Variants in OSBP2 observed in about 807,000 individuals in gnomAD.
OSBP2 encodes oxysterol-binding protein 2.
OSBP2 carries 66 observed loss-of-function variants against 96.0 expected under a neutral mutation model. The ratio of observed to expected loss-of-function variants is 0.69; its 90% CI spans 0.56 to 0.84. The LOEUF (loss-of-function observed/expected upper bound fraction) is 0.84, where lower values mean the gene tolerates loss of function less well. Ranked by LOEUF, OSBP2 falls within the 40% of genes least tolerant of loss-of-function variation. The probability of loss-of-function intolerance (pLI) is 0.00; values close to 1 mark genes in which losing one functional copy is unlikely to be tolerated. For missense variants in OSBP2, 1,038 were observed against 1,222.7 expected (o/e 0.85, Z 2.25); for synonymous variants, 525 against 520.9 (o/e 1.01, Z -0.11).
At chr22:30,700,088 G>A (rs553008300) in intron 1 of OSBP2, among the ~76,000 whole-genome samples, 2 of 151,294 alleles carry the variant, frequency 1.3e-5, no homozygotes, top group African/African-American at 4.9e-5. Flanking sequence ...ACAGCCTCCC[G>A]AGTAGCTGGG....
At chr22:30,744,761 AAAAC>A (rs371095235) in intron 2 of OSBP2, among the ~76,000 whole-genome samples, 3,586 of 152,122 alleles carry the variant, frequency 0.024, 129 homozygotes, top group African/African-American at 0.077. Context: ...ACTCTGTCTC[AAAAC>A]AAACAAACAA....
At chr22:30,884,429 T>A (rs537964640) in intron 3 of OSBP2, among the ~76,000 whole-genome samples, 1 of 152,244 alleles carries the variant, frequency 6.6e-6, no homozygotes, top group Admixed American at 6.5e-5. Flanking sequence ...GAACCCAGGT[T>A]TTCCAACTCC....
rs2039919484 is a variant in OSBP2, at chr22:30,890,438, A to ACGGTT, written c.1624-289_1624-288insGGTTC. On this transcript the variant is annotated intron_variant, in intron 7 of 13. Transcript: ENST00000332585. This position sits in a 1 kb window ranked among gnomAD's most constrained non-coding sequence, Gnocchi z 4.4. ...AAGATACAGCAGTGGGCCAGGCAGAACCCCTGGCCTTGGTGGGTGTCCATC... is the reference window on the plus strand; with the variant it reads ...AAGATACAGCAGTGGGCCAGGCAGAACGGTTCCCCTGGCCTTGGTGGGTGTCCATC... Among the ~76,000 whole-genome samples the ACGGTT allele has an allele frequency of 1.3e-5, 2 of 152,176 alleles. No homozygotes were observed. Among genetic ancestry groups the ACGGTT allele is most frequent in the African/African-American group, 4.8e-5 (2 of 41,444 alleles).
At chr22:30,729,707 T>TA (rs557213397) in intron 1 of OSBP2, among the ~76,000 whole-genome samples, 77 of 151,930 alleles carry the variant, frequency 5.1e-4, no homozygotes, top group African/African-American at 1.6e-3. Flanking sequence ...GAGATAGCCT[T>TA]AAAAAGGTAG....
rs1232258134 is a variant in OSBP2 at position 30,695,364 on chromosome 22, T to C, written c.455T>C (p.Leu152Pro). Residue 152 changes from leucine (L) to proline (P), a missense_variant, in exon 1 of 14, where the codon CTT becomes CCT. Leu to Pro is a moderately conservative substitution (Grantham distance 98, BLOSUM62 -3). Coordinates refer to ENST00000332585, the MANE Select transcript of OSBP2 (RefSeq NM_030758.4). Reference sequence around the variant, plus strand: ...CTGCCAGCGTTAAAGCCCCTGCCTCTTCTGCGACCAGGACAGGCGAAGACT... The same window carrying C: ...CTGCCAGCGTTAAAGCCCCTGCCTCCTCTGCGACCAGGACAGGCGAAGACT... ...GSLPALKPLPLLRPGQAKTPL... is the reference protein window; with the variant it reads ...GSLPALKPLPPLRPGQAKTPL... 3 of 1,613,842 alleles carry C rather than the reference T, an allele frequency of 1.9e-6. No individual in the cohort carries two copies. In the Admixed American group the frequency reaches 5.0e-5, roughly 27 times the overall value.
chr22:30,746,321 G>A (rs1488182019), intron 2 of OSBP2, among the ~76,000 whole-genome samples: 1 of 151,950 alleles, frequency 6.6e-6, no homozygotes, highest in African/African-American at 2.4e-5. Context: ...CTACTTCAGA[G>A]CCTGAGGTGG....
chr22:30,727,234 C>G (rs910775598), intron 1 of OSBP2, among the ~76,000 whole-genome samples: 2 of 152,164 alleles, frequency 1.3e-5, no homozygotes, highest in African/African-American at 4.8e-5. Context: ...GCCTAGGAGG[C>G]TCCTAACGGT....
chr22:30,715,034 C>T (rs1260508105), intron 1 of OSBP2, among the ~76,000 whole-genome samples: 1 of 151,918 alleles, frequency 6.6e-6, no homozygotes, highest in Non-Finnish European at 1.5e-5. Flanking sequence ...TACCATTTTA[C>T]ATTCCCACTG....
At chr22:30,847,401 C>T (rs1234204228) in intron 2 of OSBP2, among the ~76,000 whole-genome samples, 1 of 152,090 alleles carries the variant, frequency 6.6e-6, no homozygotes, top group Non-Finnish European at 1.5e-5. Context: ...TTTGACTCAG[C>T]CTCCCGAGCA....
At chr22:30,905,770 G>A in intron 12 of OSBP2, 67 bp from the exon 13 acceptor site, 1 of 1,587,434 alleles carries the variant, frequency 6.3e-7, no homozygotes, top group South Asian at 1.1e-5. Context: ...AGGCAGGGGA[G>A]GGCGGCCGGG....
rs1372221910 is a variant in OSBP2, at chr22:30,694,955, C to G, written c.46C>G (p.Arg16Gly). The change falls in exon 1 of 14, where the codon CGC becomes GGC. Residue 16 changes from arginine to glycine, a missense_variant. Arg to Gly is a moderately radical substitution (Grantham distance 125, BLOSUM62 -2). Coordinates refer to ENST00000332585, the MANE Select transcript of OSBP2 (RefSeq NM_030758.4). ...APSRGGGCGGRSRGLSSLFTV... is the reference protein window; with the variant it reads ...APSRGGGCGGGSRGLSSLFTV... ...GAGCCGAGGCGGCGGCTGTGGCGGC[C>G]GCTCCCGCGGGCTCTCGTCGCTGTT... is the stretch of plus-strand genomic sequence containing the variant. The G allele has an allele frequency of 6.7e-7, 1 of 1,481,774 alleles. No individual in the cohort carries two copies. The highest frequency in any genetic ancestry group is 8.9e-7 in the Non-Finnish European group (1 of 1,124,684). The allele number at this position is 1,481,774 out of a possible 1,614,324, so 91.8% of individuals were successfully genotyped here.
Position 30,870,616 on chromosome 22 carries a change from G to C in OSBP2, c.1041G>C (p.Gly347=), listed in dbSNP as rs2039438538. The C allele has an allele frequency of 6.2e-7, 1 of 1,613,858 alleles. No individual in the cohort carries two copies. Among genetic ancestry groups the C allele is most frequent in the Admixed American group, 1.7e-5 (1 of 59,996 alleles). The change falls in exon 3 of 14, where the codon GGG becomes GGC. Residue 347 remains glycine (G), a synonymous_variant. Transcript: ENST00000332585. The surrounding 1 kb of genome is among the most constrained non-coding windows in gnomAD (Gnocchi z 4.1). ...GCCTCAAGATCCCATCTGAGAGTGG[G>C]GAGAAGCTGAAGGTGGTGAATGAGC... ...LDGLKIPSES[G]EKLKVVNERA...
In OSBP2 at chr22:30,893,574, G is replaced by A; in HGVS notation, c.2094+8G>A. 2 of 1,613,790 alleles carry A rather than the reference G, an allele frequency of 1.2e-6. No individual in the cohort carries two copies. The highest frequency in any genetic ancestry group is 1.3e-5 in the African/African-American group (1 of 75,062). ...AAGCTCTGGATCGACCAGGTCAGGG[G>A]CGCCCTTGGGGAGGGGGTGCATGGC... On this transcript the variant is annotated splice_region_variant and intron_variant, in intron 10 of 13. Transcript: ENST00000332585.
chr22:30,747,922 C>G (rs943765010), intron 2 of OSBP2, among the ~76,000 whole-genome samples: 9 of 152,130 alleles, frequency 5.9e-5, no homozygotes, highest in Non-Finnish European at 1.3e-4. Flanking sequence ...TGCTCTGTCA[C>G]CCAGGCTGGA....
At chr22:30,741,994 A>G (rs777421996) in intron 2 of OSBP2, among the ~76,000 whole-genome samples, 42 of 151,692 alleles carry the variant, frequency 2.8e-4, no homozygotes, top group Non-Finnish European at 5.7e-4. Flanking sequence ...TAATTTTTGT[A>G]TTTTTAATAC....
chr22:30,752,868 A>T (rs1315338338), intron 2 of OSBP2, among the ~76,000 whole-genome samples: 1 of 152,202 alleles, frequency 6.6e-6, no homozygotes, highest in African/African-American at 2.4e-5. Context: ...ACTATACTAG[A>T]GTCAGGCTGG....
At chr22:30,864,450 T>C (rs1430149063) in intron 2 of OSBP2, among the ~76,000 whole-genome samples, 2 of 149,058 alleles carry the variant, frequency 1.3e-5, no homozygotes, top group Non-Finnish European at 2.9e-5. Context: ...GGCTCAGGAG[T>C]GGGAAAGTGC....
intron 8 of OSBP2, among the ~76,000 whole-genome samples, chr22:30,891,308 G>A (rs2039942838): frequency 6.6e-6 from 1 of 152,350 alleles, no homozygotes; most frequent in Admixed American, 6.5e-5. Context: ...GGAGCATGGG[G>A]TCACTACCGA....
rs979897130 is a variant in OSBP2 at position 30,695,433 on chromosome 22, C to G, written c.524C>G (p.Ala175Gly). 7 of 1,613,538 alleles carry G rather than the reference C, an allele frequency of 4.3e-6. No individual in the cohort carries two copies. The African/African-American group carries it at 6.7e-5, about 15-fold the overall frequency. ...PMSGTGTTSS[A>G]PLALLPLDSF... ...TCGGGGACTGGCACGACCTCCAGTG[C>G]CCCACTGGCCTTACTGCCTCTGGAC... Residue 175 changes from alanine (A) to glycine (G), a missense_variant, in exon 1 of 14, where the codon GCC becomes GGC. Ala to Gly is a moderately conservative substitution (Grantham distance 60). This residue lies in a region of OSBP2 where 281 missense variants were observed against 273.4 expected (regional missense o/e 1.03). Transcript: ENST00000332585.
Sources: gnomAD v4.1 joint callset for allele counts (sites outside exome capture counted in the v4.1 genomes callset) on GRCh38, gnomAD v4.1.1 for gene constraint, gnomAD v4.1.1 regional missense constraint, Gnocchi (gnomAD v3.1) non-coding constraint, MANE v1.5 for transcripts, NCBI Gene and HGNC (gene_info 2026-07-23, HGNC 2026-07-21) for gene names.